CCNB1IP1: variants seen among roughly 807,000 people sequenced by gnomAD.
CCNB1IP1 encodes E3 ubiquitin-protein ligase CCNB1IP1.
CCNB1IP1 carries 14 observed loss-of-function variants against 25.6 expected under a neutral mutation model. The ratio of observed to expected loss-of-function variants is 0.55; its 90% CI spans 0.36 to 0.85. The LOEUF (loss-of-function observed/expected upper bound fraction) is 0.85. Ranked by LOEUF, CCNB1IP1 falls within the 40% of genes least tolerant of loss-of-function variation. CCNB1IP1 has a pLI of 0.01. For missense variants in CCNB1IP1, 278 were observed against 342.4 expected (o/e 0.81, Z 1.48); for synonymous variants, 119 against 116.1 (o/e 1.02, Z -0.16).
intron 1 of CCNB1IP1, among the ~76,000 whole-genome samples, chr14:20,329,806 T>C (rs568954487): frequency 2.6e-5 from 4 of 152,340 alleles, no homozygotes; most frequent in Non-Finnish European, 4.4e-5. Flanking sequence ...CCTAAAATAA[T>C]AGATTTTGAA....
Position 20,317,033 on chromosome 14 carries a change from C to T in CCNB1IP1, c.-37-473G>A, listed in dbSNP as rs1001139996. On this transcript the variant is annotated intron_variant, in intron 4 of 6. Transcript: ENST00000358932. ...CTGAGGCAGGAGAATCACTTGAATC[C>T]GGGAGGCAGAGGTTGCAGTGAAGTG... Among the ~76,000 whole-genome samples, 60 of 152,116 alleles carry T rather than the reference C, an allele frequency of 3.9e-4. 1 individual carries two copies. The highest frequency in any genetic ancestry group is 1.3e-3 in the African/African-American group (54 of 41,466).
intron 4 of CCNB1IP1, among the ~76,000 whole-genome samples, chr14:20,321,325 A>G (rs1427870011): frequency 6.6e-6 from 1 of 152,218 alleles, no homozygotes; most frequent in Non-Finnish European, 1.5e-5. Context: ...TGCAACAGAA[A>G]AGTCTGACTG....
intron 4 of CCNB1IP1, among the ~76,000 whole-genome samples, chr14:20,324,315 T>C (rs1388923845): frequency 1.3e-5 from 2 of 152,148 alleles, no homozygotes; most frequent in African/African-American, 4.8e-5. Flanking sequence ...GCCTCCCAAG[T>C]AGCTGGGATT....
chr14:20,328,993 G>A (rs1304268050), intron 2 of CCNB1IP1, among the ~76,000 whole-genome samples, 181 bp downstream of exon 2: 1 of 152,164 alleles, frequency 6.6e-6, no homozygotes, highest in Non-Finnish European at 1.5e-5. Flanking sequence ...GTGAACAGAT[G>A]CTTCATGAAG....
At chr14:20,315,676 TATC>T (rs1882667385) in intron 5 of CCNB1IP1, 6 of 1,237,404 alleles carry the variant, frequency 4.8e-6, no homozygotes, top group African/African-American at 1.6e-5. Flanking sequence ...TAAGAATGCT[TATC>T]ATAGCATTTT....
intron 6 of CCNB1IP1, among the ~76,000 whole-genome samples, chr14:20,312,329 G>A (rs905759069): frequency 6.6e-6 from 1 of 152,038 alleles, no homozygotes; most frequent in African/African-American, 2.4e-5. Flanking sequence ...CAGAAATTTA[G>A]GTTTTTATTC....
chr14:20,317,207 G>C (rs186208854), intron 4 of CCNB1IP1, among the ~76,000 whole-genome samples: 78 of 152,056 alleles, frequency 5.1e-4, no homozygotes, highest in African/African-American at 1.8e-3. Context: ...TCAGGAGTTC[G>C]AGACCAGCCT....
intron 1 of CCNB1IP1, among the ~76,000 whole-genome samples, chr14:20,331,205 C>G (rs1883224489): frequency 6.6e-6 from 1 of 152,154 alleles, no homozygotes; most frequent in South Asian, 2.1e-4. Flanking sequence ...ATCCAGCACA[C>G]ATTTTCTAAG....
intron 6 of CCNB1IP1, among the ~76,000 whole-genome samples, chr14:20,313,148 C>T (rs1050986349): frequency 2.6e-4 from 40 of 152,232 alleles, no homozygotes; most frequent in African/African-American, 9.6e-4. Context: ...CACAACAGTG[C>T]CTAGCACTTA....
chr14:20,332,993 C>T (rs1883297787), intron 1 of CCNB1IP1: 1 of 152,230 alleles, frequency 6.6e-6, no homozygotes, highest in African/African-American at 2.4e-5. Flanking sequence ...GCACTGTGCA[C>T]ATGAAGCACA....
At position 20,316,344 on chromosome 14, in the gene CCNB1IP1, A is replaced by G; in HGVS notation, c.180T>C (p.Asp60=). 1 of 1,613,998 alleles carries G rather than the reference A, an allele frequency of 6.2e-7. No homozygotes were observed. The highest frequency in any genetic ancestry group is 8.5e-7 in the Non-Finnish European group (1 of 1,179,878). ...ACNSTLSGKL[D]IVRTELSPSE... is the part of the protein sequence containing the mutation. ...ATGGACTGAGTTCTGTGCGGACAAT[A>G]TCTAGCTTTCCAGAAAGGGTACTGT... Residue 60 remains aspartate (D), a synonymous_variant, in exon 5 of 7, where the codon GAT becomes GAC. Transcript: ENST00000358932.
chr14:20,328,644 T>C (rs1883149377), intron 2 of CCNB1IP1, among the ~76,000 whole-genome samples: 1 of 152,186 alleles, frequency 6.6e-6, no homozygotes, highest in Non-Finnish European at 1.5e-5. Context: ...ATAATAATTA[T>C]AGGTTGAAAG....
intron 4 of CCNB1IP1, among the ~76,000 whole-genome samples, chr14:20,321,148 A>G (rs1273903283): frequency 6.6e-6 from 1 of 152,120 alleles, no homozygotes; most frequent in African/African-American, 2.4e-5. Flanking sequence ...AAAAAAAAAA[A>G]AGAAATACTT....
chr14:20,323,816 G>A (rs1220248456), intron 4 of CCNB1IP1, among the ~76,000 whole-genome samples: 1 of 151,102 alleles, frequency 6.6e-6, no homozygotes, highest in Non-Finnish European at 1.5e-5. Context: ...TACTCAGGAG[G>A]CTGAGGCAGG....
chr14:20,317,421 C>G (rs1443750942), intron 4 of CCNB1IP1, among the ~76,000 whole-genome samples: 2 of 152,110 alleles, frequency 1.3e-5, no homozygotes, highest in Non-Finnish European at 2.9e-5. Context: ...AAAAAGTTGC[C>G]TTGGCCCTCC....
intron 2 of CCNB1IP1, among the ~76,000 whole-genome samples, chr14:20,327,103 A>G (rs544708334): frequency 5.3e-5 from 8 of 151,954 alleles, no homozygotes; most frequent in Non-Finnish European, 1.2e-4. Flanking sequence ...TTTAACAACA[A>G]CAACAAAAAA....
chr14:20,315,671 A>G, intron 5 of CCNB1IP1: 1 of 1,251,424 alleles, frequency 8.0e-7, no homozygotes, highest in Non-Finnish European at 1.0e-6. Context: ...TTTGATAAGA[A>G]TGCTTATCAT....
Position 20,311,685 on chromosome 14 carries a change from A to G in CCNB1IP1, c.699T>C (p.Phe233=). Residue 233 remains phenylalanine (F), a synonymous_variant, in exon 7 of 7, where the codon TTT becomes TTC. Transcript: ENST00000358932. ...AACCCGCAAAAAATGGTCTGAACTG[A>G]AAATCTCCATCTCCATCGCCCCGAT... ...VRNRGDGDGD[F]QFRPFFAGSP... 6.2e-7 allele frequency: 1 copy of G among 1,614,186 alleles called. No individual in the cohort carries two copies. Among genetic ancestry groups the G allele is most frequent in the Non-Finnish European group, 8.5e-7 (1 of 1,180,034 alleles).
chr14:20,318,016 T>G (rs1329473510), intron 4 of CCNB1IP1: 2 of 152,270 alleles, frequency 1.3e-5, no homozygotes, highest in African/African-American at 4.8e-5. Context: ...GTGACAGCTG[T>G]AATTGGACAG....
Sources: gnomAD v4.1 joint callset for allele counts (sites outside exome capture counted in the v4.1 genomes callset) on GRCh38, gnomAD v4.1.1 for gene constraint, MANE v1.5 for transcripts, NCBI Gene and HGNC (gene_info 2026-07-23, HGNC 2026-07-21) for gene names.